FECH: variants seen among roughly 807,000 people sequenced by gnomAD.
The protein encoded by FECH is ferrochelatase, also known as ferrochelatase, mitochondrial.
A neutral mutation model predicts 56.9 loss-of-function variants in FECH; 40 were observed. The ratio of observed to expected loss-of-function variants is 0.70; its 90% CI spans 0.55 to 0.92. The LOEUF (loss-of-function observed/expected upper bound fraction) is 0.92. Among genes scored for constraint, FECH ranks in the 40% least tolerant of loss-of-function variants. The probability of loss-of-function intolerance (pLI) is 0.00; values close to 1 mark genes in which losing one functional copy is unlikely to be tolerated. For synonymous variants in FECH, 175 were observed against 198.6 expected, an observed-to-expected ratio of 0.88 and a Z score of 1.00; for missense variants, 431 against 529.1, an observed-to-expected ratio of 0.81 and a Z score of 1.82.
intron 1 of FECH, among the ~76,000 whole-genome samples, chr18:57,583,063 C>T (rs2051309850): frequency 1.3e-5 from 2 of 152,158 alleles, no homozygotes; most frequent in Admixed American, 6.5e-5. Context: ...CCATGGTTCA[C>T]CAGATTCTCA....
chr18:57,573,197 T>C (rs1339149056), intron 3 of FECH, 49 bp downstream of exon 3: 1 of 1,576,890 alleles, frequency 6.3e-7, no homozygotes, highest in East Asian at 2.2e-5. Flanking sequence ...GAGAGACACA[T>C]GTCAATGTAG....
At position 57,548,513 on chromosome 18, in the gene FECH, G is replaced by A. The variant is rs2050749515; in HGVS notation, c.*2199C>T. ...CCAGATCCGTATATACACAGCTGAAGAAACTGCCAGCAGTTCATTGCTAAT... is the reference window on the plus strand; with the variant it reads ...CCAGATCCGTATATACACAGCTGAAAAAACTGCCAGCAGTTCATTGCTAAT... On this transcript the variant is annotated 3_prime_UTR_variant, in exon 11 of 11. Coordinates refer to ENST00000262093, the MANE Select transcript of FECH (RefSeq NM_000140.5). 1 of 152,218 alleles carries A rather than the reference G, an allele frequency of 6.6e-6. No homozygotes were observed. Among genetic ancestry groups the A allele is most frequent in the African/African-American group, 2.4e-5 (1 of 41,456 alleles). The allele number at this position is 152,218 out of a possible 1,614,324, so 9.4% of individuals were successfully genotyped here. A position where few individuals can be genotyped will look rare whatever the true frequency, so the allele number is the denominator to read the frequency against.
chr18:57,560,332 A>C (rs2050927721), intron 6 of FECH, among the ~76,000 whole-genome samples: 1 of 152,226 alleles, frequency 6.6e-6, no homozygotes. Flanking sequence ...GTAAATGATA[A>C]AGCAAGTGGG....
chr18:57,550,581 T>C lies in FECH; in HGVS notation c.*131A>G. On this transcript the variant is annotated 3_prime_UTR_variant, in exon 11 of 11. Coordinates refer to ENST00000262093, the MANE Select transcript of FECH (RefSeq NM_000140.5). ...CCAATCCTCAAGAAACCACACAATTTGTACCCAAAGGCTGTATATATATCA... is the reference window on the plus strand; with the variant it reads ...CCAATCCTCAAGAAACCACACAATTCGTACCCAAAGGCTGTATATATATCA... The C allele has an allele frequency of 8.8e-7, 1 of 1,139,672 alleles. No individual in the cohort carries two copies. The highest frequency in any genetic ancestry group is 1.3e-6 in the Non-Finnish European group (1 of 791,238). 70.6% of individuals were successfully genotyped at this position (1,139,672 alleles called of 1,614,324 possible).
intron 4 of FECH, among the ~76,000 whole-genome samples, chr18:57,568,748 T>C (rs192312856): frequency 1.3e-5 from 2 of 152,184 alleles, no homozygotes; most frequent in Non-Finnish European, 2.9e-5. Context: ...CAGCAAAAAC[T>C]TCATTAATTT....
At position 57,546,801 on chromosome 18, in the gene FECH, A is replaced by C. The variant is rs1383365302; in HGVS notation, c.*3911T>G. 6.6e-6 allele frequency among the ~76,000 whole-genome samples: 1 copy of C among 151,640 alleles called. No homozygotes were observed. Among genetic ancestry groups the C allele is most frequent in the African/African-American group, 2.4e-5 (1 of 41,244 alleles). ...TGGTCAGGCCCCATCTCTACTAAAA[A>C]TACAAAAATTAGCCGGGCATGGTGG... On this transcript the variant is annotated 3_prime_UTR_variant, in exon 11 of 11. Transcript: ENST00000262093.
Position 57,563,585 on chromosome 18 carries a change from A to C in FECH, c.599-605T>G, listed in dbSNP as rs1207279475. 1.0e-3 allele frequency among the ~76,000 whole-genome samples: 151 copies of C among 149,924 alleles called. 3 individuals carry two copies. Among genetic ancestry groups the C allele is most frequent in the Admixed American group, 1.4e-3 (21 of 14,916 alleles). On this transcript the variant is annotated intron_variant, in intron 5 of 10. Transcript: ENST00000262093. ...ACAAGAGCGAAACTCCGTCCCAAAA[A>C]AAAAAAAAAAAAAAAAAAAGTATGT...
rs879297836 is a variant in FECH at position 57,570,010 on chromosome 18, CTGT to C, written c.463+1379_463+1381del. ...CACCATGTCTGACTAGTTGTTGTTG[CTGT>C]TGTTGTTGTTGTTGTTGTCGTGTGT... On this transcript the variant is annotated intron_variant, in intron 4 of 10. Coordinates refer to ENST00000262093, the MANE Select transcript of FECH (RefSeq NM_000140.5). 3.1e-3 allele frequency among the ~76,000 whole-genome samples: 398 copies of C among 127,080 alleles called. 2 individuals are homozygous for C. The highest frequency in any genetic ancestry group is 9.5e-3 in the African/African-American group (349 of 36,626). The allele number at this position is 127,080 out of a possible 152,430, so 83.4% of individuals were successfully genotyped here.
In FECH at chr18:57,566,550, G is replaced by A. The variant is rs752506843; in HGVS notation, c.495C>T (p.Tyr165=). ...TTGCTTCTTCTGTTAAAGGATGGACGTACCGAAATCCAATATAGTATTTGT... is the reference window on the plus strand; with the variant it reads ...TTGCTTCTTCTGTTAAAGGATGGACATACCGAAATCCAATATAGTATTTGT... ...APHKYYIGFR[Y]VHPLTEEAIE... The change falls in exon 5 of 11, where the codon TAC becomes TAT. Residue 165 remains tyrosine, a synonymous_variant. Transcript: ENST00000262093. 11 of 1,614,070 alleles carry A rather than the reference G, an allele frequency of 6.8e-6. No individual in the cohort carries two copies. The highest frequency in any genetic ancestry group is 3.3e-5 in the South Asian group (3 of 91,080).
At chr18:57,559,872 G>A (rs563846395) in intron 6 of FECH, among the ~76,000 whole-genome samples, 25 of 152,248 alleles carry the variant, frequency 1.6e-4, no homozygotes, top group Non-Finnish European at 2.8e-4. Context: ...CACATCTGTG[G>A]AACTTGAGAA....
chr18:57,562,879 T>C lies in FECH; in HGVS notation c.700A>G (p.Ile234Val), dbSNP rs767535991. The C allele has an allele frequency of 1.2e-5, 20 of 1,613,492 alleles. No individual in the cohort carries two copies. The highest frequency in any genetic ancestry group is 1.6e-5 in the Non-Finnish European group (19 of 1,179,632). Residue 234 changes from isoleucine (I) to valine (V), a missense_variant, in exon 6 of 11, where the codon ATC becomes GTC. Ile to Val is a conservative substitution (Grantham distance 29). Coordinates refer to ENST00000262093, the MANE Select transcript of FECH (RefSeq NM_000140.5). ...IDRWPTHHLLIQCFADHILKE... is the reference protein window; with the variant it reads ...IDRWPTHHLLVQCFADHILKE... ...GCTGGCAAGCACTGGCTTACCTGGATGAGGAGGTGATGTGTGGGCCACCTG... is the reference window on the plus strand; with the variant it reads ...GCTGGCAAGCACTGGCTTACCTGGACGAGGAGGTGATGTGTGGGCCACCTG...
rs1310448576 is a variant in FECH at position 57,586,608 on chromosome 18, C to G, written c.13G>C (p.Gly5Arg). ...CGCAGGGCCGCAGCCATGTTTGCGC[C>G]GAGTGAACGCATTGCCTGGGCAGCC... MRSL[G>R]ANMAAALRAA... is the part of the protein sequence containing the mutation. The change falls in exon 1 of 11, where the codon GGC becomes CGC. Residue 5 changes from glycine (G) to arginine (R), a missense_variant. Physicochemically the swap from Gly to Arg is moderately radical, Grantham distance 125. Coordinates refer to ENST00000262093, the MANE Select transcript of FECH (RefSeq NM_000140.5). 1 of 1,521,918 alleles carries G rather than the reference C, an allele frequency of 6.6e-7. No individual in the cohort carries two copies. The highest frequency in any genetic ancestry group is 8.8e-7 in the Non-Finnish European group (1 of 1,141,440). The allele number at this position is 1,521,918 out of a possible 1,614,324, so 94.3% of individuals were successfully genotyped here.
chr18:57,577,006 C>G (rs1599010561), intron 2 of FECH, among the ~76,000 whole-genome samples: 2 of 152,156 alleles, frequency 1.3e-5, no homozygotes, highest in South Asian at 2.1e-4. Flanking sequence ...TTTTATATCC[C>G]AGGACTCTCA....
Position 57,546,147 on chromosome 18 carries a change from C to T in FECH, c.*4565G>A, listed in dbSNP as rs2050716909. ...TCCCATTTCCACCTAACGTTAGGAGCCCTGTTCCTGGGCCACCTTCAGGAT... is the reference window on the plus strand; with the variant it reads ...TCCCATTTCCACCTAACGTTAGGAGTCCTGTTCCTGGGCCACCTTCAGGAT... On this transcript the variant is annotated 3_prime_UTR_variant, in exon 11 of 11. Transcript: ENST00000262093. 6.6e-6 allele frequency among the ~76,000 whole-genome samples: 1 copy of T among 152,190 alleles called. No homozygotes were observed.
intron 1 of FECH, 150 bp from the exon 2 acceptor site, chr18:57,580,349 G>C (rs996688281): frequency 1.2e-5 from 14 of 1,138,182 alleles, no homozygotes; most frequent in Non-Finnish European, 1.6e-5. Flanking sequence ...GCAGGTAAAG[G>C]AACTTAAGCC....
rs776279278 is a variant in FECH, at chr18:57,544,810, CA to C, written c.*5901del. Among the ~76,000 whole-genome samples, 44 of 151,374 alleles carry C rather than the reference CA, an allele frequency of 2.9e-4. 2 individuals are homozygous for C. In the South Asian group the frequency reaches 3.5e-3, roughly 12 times the overall value. ...TTTCTTAAGTCTAAATAATCAACGA[CA>C]AAAAAAAGGGCGAAATAATTAGAAA... On this transcript the variant is annotated 3_prime_UTR_variant, in exon 11 of 11. Transcript: ENST00000262093.
At chr18:57,560,838 G>A (rs998157558) in intron 6 of FECH, among the ~76,000 whole-genome samples, 2 of 152,158 alleles carry the variant, frequency 1.3e-5, no homozygotes, top group African/African-American at 2.4e-5. Flanking sequence ...TGATACATCA[G>A]TGGTCAGTGA....
chr18:57,551,218 T>C, intron 10 of FECH, 97 bp downstream of exon 10: 4 of 883,244 alleles, frequency 4.5e-6, no homozygotes, highest in Non-Finnish European at 7.3e-6. Context: ...GAACTCCAAA[T>C]GTTCTAATAT....
chr18:57,560,796 A>C (rs115084464), intron 6 of FECH, among the ~76,000 whole-genome samples: 2,056 of 152,364 alleles, frequency 0.013, 54 homozygotes, highest in African/African-American at 0.047. Context: ...ACAATTTATC[A>C]GAAACATGTA....
Sources: gnomAD v4.1 joint callset for allele counts (sites outside exome capture counted in the v4.1 genomes callset) on GRCh38, gnomAD v4.1.1 for gene constraint, MANE v1.5 for transcripts, NCBI Gene and HGNC (gene_info 2026-07-23, HGNC 2026-07-21) for gene names.